ARHGAP21: variants seen among roughly 807,000 people sequenced by gnomAD.
ARHGAP21 encodes the protein Rho GTPase activating protein 21.
Under a neutral mutation model 164.6 loss-of-function variants are expected in ARHGAP21, and 38 were observed. The observed-to-expected ratio is 0.23, with a 90% CI of 0.18 to 0.30. The LOEUF is 0.30. Ranked by LOEUF, ARHGAP21 falls within the 10% of genes least tolerant of loss-of-function variation. ARHGAP21 has a pLI of 1.00. For synonymous variants in ARHGAP21, 766 were observed against 857.9 expected (o/e 0.89, Z 1.87); for missense variants, 1,822 against 2,370.7 (o/e 0.77, Z 4.81).
chr10:24,604,576 T>C (rs2076948421), intron 11 of ARHGAP21, among the ~76,000 whole-genome samples: 1 of 152,210 alleles, frequency 6.6e-6, no homozygotes, highest in Non-Finnish European at 1.5e-5. Flanking sequence ...TAAAATTGTT[T>C]CTGCTTGAAG....
At chr10:24,678,508 TTTTG>T (rs750167363) in intron 2 of ARHGAP21, among the ~76,000 whole-genome samples, 2 of 150,624 alleles carry the variant, frequency 1.3e-5, no homozygotes, top group African/African-American at 2.5e-5. Context: ...GTTGTTGTTG[TTTTG>T]TTTATTTTGA....
intron 2 of ARHGAP21, among the ~76,000 whole-genome samples, chr10:24,715,335 T>C (rs1845263742): frequency 1.3e-5 from 2 of 152,222 alleles, no homozygotes; most frequent in Admixed American, 6.5e-5. Flanking sequence ...TAACTGGTTA[T>C]GAAATATTTA....
intron 25 of ARHGAP21, among the ~76,000 whole-genome samples, chr10:24,587,616 A>G (rs2076159220): frequency 6.6e-6 from 1 of 152,194 alleles, no homozygotes; most frequent in African/African-American, 2.4e-5. Context: ...ATTTCCCCAC[A>G]TTGTGCTGAA....
chr10:24,721,552 C>G (rs540865561), intron 2 of ARHGAP21, among the ~76,000 whole-genome samples: 1 of 152,314 alleles, frequency 6.6e-6, no homozygotes, highest in East Asian at 1.9e-4. Context: ...TTGTAGCATC[C>G]ACAGCCACAG....
At chr10:24,641,007 G>A (rs1453609723) in intron 4 of ARHGAP21, among the ~76,000 whole-genome samples, 2 of 152,086 alleles carry the variant, frequency 1.3e-5, no homozygotes, top group Admixed American at 6.6e-5. Flanking sequence ...GGTTATGAGG[G>A]GGTGGAGGTG....
At chr10:24,689,978 A>C (rs952063644) in intron 2 of ARHGAP21, among the ~76,000 whole-genome samples, 6 of 151,042 alleles carry the variant, frequency 4.0e-5, no homozygotes, top group Non-Finnish European at 8.8e-5. Context: ...ATACACATAC[A>C]CACAAAAAAT....
chr10:24,665,312 A>C (rs556082401), intron 4 of ARHGAP21, among the ~76,000 whole-genome samples: 1 of 152,300 alleles, frequency 6.6e-6, no homozygotes, highest in African/African-American at 2.4e-5. Flanking sequence ...TAGTGCAAAA[A>C]AAAAAAAGGC....
intron 24 of ARHGAP21, chr10:24,589,570 C>T (rs10159665): frequency 1.1e-4 from 44 of 395,616 alleles, no homozygotes; most frequent in African/African-American, 9.1e-4. Context: ...AACAGAAACA[C>T]TCGTGTTTAT....
rs368530177 is a variant in ARHGAP21, at chr10:24,596,822, C to T, written c.3395G>A (p.Arg1132Lys). 120 of 1,611,672 alleles carry T rather than the reference C, an allele frequency of 7.4e-5. No individual in the cohort carries two copies. The highest frequency in any genetic ancestry group is 1.0e-4 in the Non-Finnish European group (118 of 1,179,212). Reference protein sequence around the residue: ...TWRKGIPSIMRKTFEKKPTAT... With the variant: ...TWRKGIPSIMKKTFEKKPTAT... ...AGTTGGCTTTTTCTCAAATGTCTTT[C>T]TCATGATACTTGGAATGCCTTTTCT... The change falls in exon 17 of 26, where the codon AGA becomes AAA. Residue 1132 changes from arginine (R) to lysine (K), a missense_variant. Arg to Lys is a conservative substitution (Grantham distance 26, BLOSUM62 2). Around this residue, in one of 5 missense-constraint regions of ARHGAP21, gnomAD observed 1,090 missense variants for 1,378.9 expected, o/e 0.79. Coordinates refer to ENST00000396432, the MANE Select transcript of ARHGAP21 (RefSeq NM_020824.4).
chr10:24,666,840 A>G, intron 4 of ARHGAP21, 145 bp downstream of exon 4: 1 of 525,818 alleles, frequency 1.9e-6, no homozygotes, highest in African/African-American at 2.0e-5. Flanking sequence ...ACAGTAAAAA[A>G]CATTTAATTC....
chr10:24,723,408 C>T (rs1297099724), intron 1 of ARHGAP21, among the ~76,000 whole-genome samples, 154 bp downstream of exon 1: 1 of 146,938 alleles, frequency 6.8e-6, no homozygotes. Context: ...CCGCCCCCGC[C>T]GGGCGCCCGC....
At chr10:24,601,887 GA>G in intron 13 of ARHGAP21, 90 bp downstream of exon 13, 1 of 1,300,016 alleles carries the variant, frequency 7.7e-7, no homozygotes, top group Non-Finnish European at 1.0e-6. Context: ...CTTTAATCTG[GA>G]TATCATGCCA....
At chr10:24,684,887 C>A (rs1301537312) in intron 2 of ARHGAP21, among the ~76,000 whole-genome samples, 1 of 152,202 alleles carries the variant, frequency 6.6e-6, no homozygotes, top group Non-Finnish European at 1.5e-5. Flanking sequence ...GATCCGCCCC[C>A]CTCAGCCTCC....
At chr10:24,718,295 T>C (rs1355113763) in intron 2 of ARHGAP21, among the ~76,000 whole-genome samples, 1 of 152,162 alleles carries the variant, frequency 6.6e-6, no homozygotes, top group Non-Finnish European at 1.5e-5. Flanking sequence ...GAGTTTGCAA[T>C]GCCTGGGGAA....
At chr10:24,661,506 C>T (rs1839692424) in intron 4 of ARHGAP21, among the ~76,000 whole-genome samples, 1 of 152,014 alleles carries the variant, frequency 6.6e-6, no homozygotes, top group Admixed American at 6.6e-5. Context: ...GAAAGAAGAC[C>T]AAAACAAAAT....
intron 2 of ARHGAP21, among the ~76,000 whole-genome samples, chr10:24,689,670 G>A (rs1003951234): frequency 1.3e-5 from 2 of 152,104 alleles, no homozygotes; most frequent in African/African-American, 2.4e-5. Flanking sequence ...GAGCCCGGAA[G>A]GTTGAGGCTG....
chr10:24,628,047 C>T (rs1204774153), intron 7 of ARHGAP21, among the ~76,000 whole-genome samples: 2 of 152,196 alleles, frequency 1.3e-5, no homozygotes, highest in African/African-American at 2.4e-5. Flanking sequence ...GTAAATCCTT[C>T]GCTACCATAT....
intron 2 of ARHGAP21, among the ~76,000 whole-genome samples, chr10:24,673,177 G>T (rs1192335486): frequency 6.6e-6 from 1 of 152,146 alleles, no homozygotes; most frequent in Non-Finnish European, 1.5e-5. Flanking sequence ...ATTTTTGTGT[G>T]CAAGCTGCTA....
At chr10:24,648,114 C>T (rs1242216613) in intron 4 of ARHGAP21, among the ~76,000 whole-genome samples, 7 of 152,160 alleles carry the variant, frequency 4.6e-5, no homozygotes, top group African/African-American at 1.7e-4. Flanking sequence ...GCTGGGATTA[C>T]AGGCGTGAGC....
Sources: gnomAD v4.1 joint callset for allele counts (sites outside exome capture counted in the v4.1 genomes callset) on GRCh38, gnomAD v4.1.1 for gene constraint, gnomAD v4.1.1 regional missense constraint, MANE v1.5 for transcripts, NCBI Gene and HGNC (gene_info 2026-07-23, HGNC 2026-07-21) for gene names.